The following CLNK variants were observed in gnomAD, a reference collection of about 807,000 sequenced individuals.
The protein encoded by CLNK is cytokine-dependent hematopoietic cell linker.
CLNK carries 74 observed loss-of-function variants against 68.6 expected under a neutral mutation model. The ratio of observed to expected loss-of-function variants is 1.08; its 90% CI spans 0.89 to 1.31. The LOEUF is 1.31. Among genes scored for constraint, CLNK ranks in the 50% most tolerant of loss-of-function variants. The pLI, the probability that CLNK is intolerant of heterozygous loss-of-function variation, is 0.00. For missense variants in CLNK, 553 were observed against 515.3 expected, an observed-to-expected ratio of 1.07 and a Z score of -0.71; for synonymous variants, 198 against 172.2, an observed-to-expected ratio of 1.15 and a Z score of -1.17.
chr4:10,730,859 G>A, the CLNK span, among the ~76,000 whole-genome samples: 1 of 151,972 alleles, frequency 6.6e-6, no homozygotes, highest in African/African-American at 2.4e-5. Flanking sequence ...ACCATCTCAA[G>A]CATGGAATTC....
chr4:10,525,225 C>T (rs1216295175), intron 14 of CLNK, among the ~76,000 whole-genome samples: 4 of 152,138 alleles, frequency 2.6e-5, no homozygotes, highest in Non-Finnish European at 2.9e-5. Context: ...CCACCACACT[C>T]GGCTAATTTT....
intron 17 of CLNK, among the ~76,000 whole-genome samples, chr4:10,501,747 A>G (rs1241386254): frequency 6.6e-6 from 1 of 152,096 alleles, no homozygotes; most frequent in Non-Finnish European, 1.5e-5. Context: ...GCCAACACAG[A>G]AAAACCCCGT....
intron 13 of CLNK, among the ~76,000 whole-genome samples, chr4:10,527,031 C>T (rs985530390): frequency 3.9e-5 from 6 of 152,136 alleles, no homozygotes; most frequent in African/African-American, 7.2e-5. Context: ...ATCGAAGGAC[C>T]GTGATTACTT....
intron 2 of CLNK, among the ~76,000 whole-genome samples, chr4:10,658,211 C>T (rs994545990): frequency 2.0e-5 from 3 of 152,230 alleles, no homozygotes; most frequent in African/African-American, 4.8e-5. Flanking sequence ...TAGCATCCTG[C>T]TCACCCACTA....
At chr4:10,523,944 G>A in intron 14 of CLNK, 1 of 394,818 alleles carries the variant, frequency 2.5e-6, no homozygotes, top group Non-Finnish European at 5.1e-6. Context: ...AGGATCACTT[G>A]AGCCCGGGAG....
chr4:10,712,985 G>A, the CLNK span, among the ~76,000 whole-genome samples: 1 of 152,144 alleles, frequency 6.6e-6, no homozygotes, highest in Non-Finnish European at 1.5e-5. Flanking sequence ...CCATTCCCTG[G>A]CCCATTGCCC....
chr4:10,567,130 G>GA (rs1560219699), intron 5 of CLNK, among the ~76,000 whole-genome samples: 4 of 28,176 alleles, frequency 1.4e-4, no homozygotes, highest in African/African-American at 3.6e-4. Flanking sequence ...AACAATCTTG[G>GA]GAAAAAAAAA....
chr4:10,594,602 C>A (rs1369518657), intron 3 of CLNK, among the ~76,000 whole-genome samples: 5 of 152,168 alleles, frequency 3.3e-5, no homozygotes, highest in Non-Finnish European at 5.9e-5. Flanking sequence ...AGCTACCAGG[C>A]CTCACTGTTA....
chr4:10,686,545 T>A (rs1725279579), upstream of CLNK, among the ~76,000 whole-genome samples: 1 of 151,168 alleles, frequency 6.6e-6, no homozygotes, highest in African/African-American at 2.4e-5. Flanking sequence ...GCTAGGCCCA[T>A]GTACACGGTG....
the CLNK span, among the ~76,000 whole-genome samples, chr4:10,699,261 G>GTA: frequency 5.0e-5 from 2 of 40,016 alleles, no homozygotes; most frequent in East Asian, 8.3e-4. Flanking sequence ...ACGTATGTGT[G>GTA]TATACACACA....
chr4:10,492,699 C>A (rs996227744), intron 18 of CLNK, among the ~76,000 whole-genome samples: 1 of 152,064 alleles, frequency 6.6e-6, no homozygotes, highest in African/African-American at 2.4e-5. Flanking sequence ...TCCTTCCCAC[C>A]GTCATGTGGG....
chr4:10,504,419 G>T (rs111868454), intron 17 of CLNK, among the ~76,000 whole-genome samples: 3 of 151,982 alleles, frequency 2.0e-5, no homozygotes, highest in Non-Finnish European at 2.9e-5. Context: ...TGCGTGCCCC[G>T]CCATAAACGT....
At chr4:10,708,732 G>T in the CLNK span, among the ~76,000 whole-genome samples, 11 of 152,176 alleles carry the variant, frequency 7.2e-5, no homozygotes, top group Non-Finnish European at 8.8e-5. Flanking sequence ...GTACAGGAAG[G>T]CCTGGAGTGG....
chr4:10,700,678 T>C, the CLNK span, among the ~76,000 whole-genome samples: 1 of 152,122 alleles, frequency 6.6e-6, no homozygotes, highest in African/African-American at 2.4e-5. Flanking sequence ...GACCCTTTAT[T>C]TGGTGCAGGT....
chr4:10,494,459 A>ATTT (rs11379290), intron 18 of CLNK, among the ~76,000 whole-genome samples: 2 of 140,120 alleles, frequency 1.4e-5, no homozygotes, highest in Admixed American at 7.2e-5. Flanking sequence ...AGTATTTCCT[A>ATTT]TTTTTTTTTT....
chr4:10,495,080 G>GAC (rs1243309927), intron 18 of CLNK, among the ~76,000 whole-genome samples: 1 of 151,952 alleles, frequency 6.6e-6, no homozygotes, highest in African/African-American at 2.4e-5. Context: ...GAAGGAAGGA[G>GAC]ACAGAGAAGG....
intron 2 of CLNK, among the ~76,000 whole-genome samples, chr4:10,619,423 G>A (rs556195549): frequency 1.3e-5 from 2 of 152,130 alleles, no homozygotes; most frequent in Non-Finnish European, 2.9e-5. Context: ...CTGTGTTTTG[G>A]TAATAATGAT....
chr4:10,577,723 T>C (rs1357339423), intron 4 of CLNK, among the ~76,000 whole-genome samples: 1 of 151,994 alleles, frequency 6.6e-6, no homozygotes, highest in African/African-American at 2.4e-5. Flanking sequence ...TCTGAGGACT[T>C]TCAGGAGCAG....
intron 15 of CLNK, 142 bp from the exon 16 acceptor site, chr4:10,513,739 T>A: frequency 1.4e-6 from 1 of 694,602 alleles, no homozygotes; most frequent in Non-Finnish European, 2.2e-6. Flanking sequence ...GCTCACTCAG[T>A]GACCTTAATT....
Sources: gnomAD v4.1 joint callset for allele counts (sites outside exome capture counted in the v4.1 genomes callset) on GRCh38, gnomAD v4.1.1 for gene constraint, MANE v1.5 for transcripts, NCBI Gene and HGNC (gene_info 2026-07-23, HGNC 2026-07-21) for gene names.